Variants in FRYL observed in about 807,000 individuals in gnomAD.
FRYL encodes FRY like transcription coactivator.
FRYL carries 150 observed loss-of-function variants against 351.2 expected under a neutral mutation model. The ratio of observed to expected loss-of-function variants is 0.43; its 90% CI spans 0.37 to 0.49. The LOEUF (loss-of-function observed/expected upper bound fraction) is 0.49. Ranked by LOEUF, FRYL falls within the 20% of genes least tolerant of loss-of-function variation. The pLI, the probability that FRYL is intolerant of heterozygous loss-of-function variation, is 0.00. For missense variants in FRYL, 3,036 were observed against 3,619.3 expected, an observed-to-expected ratio of 0.84 and a Z score of 4.13; for synonymous variants, 1,153 against 1,257.1, an observed-to-expected ratio of 0.92 and a Z score of 1.75.
intron 47 of FRYL, 53 bp downstream of exon 47, chr4:48,539,918 G>A: frequency 7.7e-7 from 1 of 1,290,964 alleles, no homozygotes; most frequent in Non-Finnish European, 1.1e-6. Context: ...CTTTAACATA[G>A]ACTACAAAAT....
At chr4:48,707,495 G>A (rs939976263) in intron 2 of FRYL, among the ~76,000 whole-genome samples, 6 of 152,052 alleles carry the variant, frequency 3.9e-5, no homozygotes, top group African/African-American at 1.2e-4. Context: ...ATCTGAGTCT[G>A]AATACAAAGC....
Position 48,528,316 on chromosome 4 carries a change from T to G in FRYL, c.6924A>C (p.Lys2308Asn). 1 of 1,609,672 alleles carries G rather than the reference T, an allele frequency of 6.2e-7. No homozygotes were observed. The highest frequency in any genetic ancestry group is 8.5e-7 in the Non-Finnish European group (1 of 1,178,092). The change falls in exon 51 of 64, where the codon AAA (lysine) becomes AAC (asparagine). Residue 2308 changes from lysine to asparagine, a missense_variant. Coordinates refer to ENST00000358350, the MANE Select transcript of FRYL (RefSeq NM_015030.2). ...CAGCCGCACTGTGCTGATCACCATA[T>G]TTGTTTCCAATAATTGGTGTCTACA... Reference protein sequence around the residue: ...DISETPIIGNKYGDQHSAAGR... With the variant: ...DISETPIIGNNYGDQHSAAGR...
At chr4:48,648,394 C>A (rs929904938) in intron 3 of FRYL, among the ~76,000 whole-genome samples, 4 of 152,184 alleles carry the variant, frequency 2.6e-5, no homozygotes, top group Admixed American at 1.3e-4. Flanking sequence ...CCAGCCAAAC[C>A]GGCCATTCCC....
At chr4:48,754,679 T>TC (rs1471676649) in intron 1 of FRYL, among the ~76,000 whole-genome samples, 5 of 151,102 alleles carry the variant, frequency 3.3e-5, no homozygotes, top group Non-Finnish European at 5.9e-5. Context: ...TTTTTTTTTT[T>TC]TTTTTTAAAT....
chr4:48,732,514 T>G (rs2149628778), intron 1 of FRYL, among the ~76,000 whole-genome samples: 1 of 152,202 alleles, frequency 6.6e-6, no homozygotes, highest in Admixed American at 6.5e-5. Flanking sequence ...TAGCAAAGAC[T>G]TGGAACCAAC....
rs770970465 is a variant in FRYL, at chr4:48,564,086, C to A, written c.3458G>T (p.Cys1153Phe). ...CTCCAGTAACAACGTAACTGCTTCA[C>A]AGCCCAGCTGGTGAACCTAGGTAAA... ...SLDKKVHQLG[C>F]EAVTLLLELN... Residue 1153 changes from cysteine to phenylalanine, a missense_variant, in exon 31 of 64, where the codon TGT becomes TTT. Physicochemically the swap from Cys to Phe is radical, Grantham distance 205 (BLOSUM62 -2). Around this residue, in one of 7 missense-constraint regions of FRYL, gnomAD observed 1,987 missense variants for 2,311.7 expected, o/e 0.86. Coordinates refer to ENST00000358350, the MANE Select transcript of FRYL (RefSeq NM_015030.2). The A allele has an allele frequency of 6.2e-7, 1 of 1,613,828 alleles. No individual in the cohort carries two copies. The highest frequency in any genetic ancestry group is 8.5e-7 in the Non-Finnish European group (1 of 1,179,972).
intron 1 of FRYL, among the ~76,000 whole-genome samples, chr4:48,727,908 C>G (rs1303047692): frequency 6.6e-6 from 1 of 152,200 alleles, no homozygotes; most frequent in Non-Finnish European, 1.5e-5. Context: ...CTTAACTATA[C>G]TGTCCCACCT....
rs1376302892 is a variant in FRYL, at chr4:48,737,188, C to T, written c.-383-26490G>A. Among the ~76,000 whole-genome samples the T allele has an allele frequency of 2.8e-5, 4 of 142,114 alleles. No homozygotes were observed. In the South Asian group the frequency reaches 6.8e-4, roughly 24 times the overall value. The allele number at this position is 142,114 out of a possible 152,430, so 93.2% of individuals were successfully genotyped here. On this transcript the variant is annotated intron_variant, in intron 1 of 63. Transcript: ENST00000358350. Reference sequence around the variant, plus strand: ...ACAAGAATCGTTTGAACCCTGGAGGCGGAGATTGCAGTGAGTCAAAGATCA... The same window carrying T: ...ACAAGAATCGTTTGAACCCTGGAGGTGGAGATTGCAGTGAGTCAAAGATCA...
chr4:48,531,613 T>C lies in FRYL; in HGVS notation c.6706-260A>G, dbSNP rs1276979193. ...TCTTGCTTTTCTCCCAATAAGTGCT[T>C]TGTAATTATCATTAATTTGGACAGA... is the stretch of plus-strand genomic sequence containing the variant. On this transcript the variant is annotated intron_variant, in intron 49 of 63. Coordinates refer to ENST00000358350, the MANE Select transcript of FRYL (RefSeq NM_015030.2). Among the ~76,000 whole-genome samples the C allele has an allele frequency of 2.0e-5, 3 of 152,188 alleles. No homozygotes were observed. The East Asian group carries it at 5.8e-4, about 29-fold the overall frequency.
At chr4:48,542,322 T>C (rs1259609435) in intron 44 of FRYL, among the ~76,000 whole-genome samples, 1 of 152,242 alleles carries the variant, frequency 6.6e-6, no homozygotes, top group Non-Finnish European at 1.5e-5. Context: ...TGCCACAATT[T>C]ACTCAAAATT....
chr4:48,591,573 C>T (rs766752668), intron 16 of FRYL, among the ~76,000 whole-genome samples: 31 of 152,158 alleles, frequency 2.0e-4, no homozygotes, highest in Non-Finnish European at 3.8e-4. Flanking sequence ...TGAAACACTC[C>T]CTTCCTTTGG....
intron 47 of FRYL, among the ~76,000 whole-genome samples, chr4:48,536,747 T>C (rs923326405): frequency 6.6e-6 from 1 of 152,204 alleles, no homozygotes; most frequent in African/African-American, 2.4e-5. Context: ...GGATGTTTTG[T>C]ATGTATTTTT....
At chr4:48,739,689 G>A (rs1204691173) in intron 1 of FRYL, among the ~76,000 whole-genome samples, 1 of 152,104 alleles carries the variant, frequency 6.6e-6, no homozygotes, top group Non-Finnish European at 1.5e-5. Context: ...TGACACCAAA[G>A]GCAGGAAACT....
chr4:48,673,153 C>T, intron 3 of FRYL, among the ~76,000 whole-genome samples: 1 of 152,122 alleles, frequency 6.6e-6, no homozygotes, highest in Non-Finnish European at 1.5e-5. Context: ...CAATATGTGT[C>T]TCTTGTTTTG....
chr4:48,701,209 T>C (rs550320926), intron 2 of FRYL, among the ~76,000 whole-genome samples: 32 of 152,336 alleles, frequency 2.1e-4, no homozygotes, highest in Admixed American at 1.9e-3. Flanking sequence ...GCCCAACTCT[T>C]TTATTGCATC....
chr4:48,765,513 G>A (rs1332094932), intron 1 of FRYL, among the ~76,000 whole-genome samples: 1 of 151,808 alleles, frequency 6.6e-6, no homozygotes, highest in African/African-American at 2.4e-5. Flanking sequence ...ATGGATTAAA[G>A]ACTTAAACAT....
chr4:48,745,669 G>C (rs1321070382), intron 1 of FRYL, among the ~76,000 whole-genome samples: 2 of 152,076 alleles, frequency 1.3e-5, no homozygotes, highest in Non-Finnish European at 2.9e-5. Flanking sequence ...GAGTTAATGG[G>C]TGCAGCACAC....
intron 59 of FRYL, among the ~76,000 whole-genome samples, chr4:48,507,235 C>T (rs542880432): frequency 1.3e-5 from 2 of 152,136 alleles, no homozygotes; most frequent in African/African-American, 4.8e-5. Flanking sequence ...AAGACAAACC[C>T]CAACCATATA....
chr4:48,697,365 C>A (rs1766298156), intron 2 of FRYL, among the ~76,000 whole-genome samples: 1 of 152,026 alleles, frequency 6.6e-6, no homozygotes, highest in Non-Finnish European at 1.5e-5. Context: ...TGTTTACAAA[C>A]TTTTTTTACT....
Sources: gnomAD v4.1 joint callset for allele counts (sites outside exome capture counted in the v4.1 genomes callset) on GRCh38, gnomAD v4.1.1 for gene constraint, gnomAD v4.1.1 regional missense constraint, MANE v1.5 for transcripts, NCBI Gene and HGNC (gene_info 2026-07-23, HGNC 2026-07-21) for gene names.